The following PDE3A variants were observed in gnomAD, a reference collection of about 807,000 sequenced individuals.
The protein encoded by PDE3A is cGMP-inhibited 3',5'-cyclic phosphodiesterase 3A.
PDE3A carries 43 observed loss-of-function variants against 98.3 expected under a neutral mutation model. The observed-to-expected ratio is 0.44, with a 90% CI of 0.34 to 0.56. The LOEUF is 0.56. PDE3A is among the 20% of genes least tolerant of loss of function. The probability of loss-of-function intolerance (pLI) is 0.01; values close to 1 mark genes in which losing one functional copy is unlikely to be tolerated. For synonymous variants in PDE3A, 663 were observed against 567.9 expected (o/e 1.17, Z -2.38); for missense variants, 1,427 against 1,440.7 (o/e 0.99, Z 0.15).
chr12:20,553,156 T>C (rs1214844209), intron 1 of PDE3A: 3 of 827,674 alleles, frequency 3.6e-6, no homozygotes, highest in African/African-American at 1.7e-5. Flanking sequence ...TTTTTTTTTT[T>C]TTATTTTTAT....
intron 15 of PDE3A, among the ~76,000 whole-genome samples, chr12:20,678,696 A>G (rs1051708684): frequency 4.6e-5 from 7 of 152,226 alleles, no homozygotes; most frequent in African/African-American, 1.2e-4. Flanking sequence ...TGCCAGATGC[A>G]TAAGCAAAGG....
chr12:20,639,169 A>G (rs1232985695), intron 9 of PDE3A, among the ~76,000 whole-genome samples: 3 of 152,158 alleles, frequency 2.0e-5, no homozygotes, highest in African/African-American at 7.2e-5. Context: ...ACTCCCTTGA[A>G]GTTCTGTGAG....
chr12:20,554,916 C>A (rs1200873139), intron 1 of PDE3A, among the ~76,000 whole-genome samples: 2 of 152,046 alleles, frequency 1.3e-5, no homozygotes, highest in Non-Finnish European at 2.9e-5. Context: ...CAAATTATTT[C>A]ATTCATTTGC....
chr12:20,545,982 G>A (rs1271513510), intron 1 of PDE3A, among the ~76,000 whole-genome samples: 1 of 151,962 alleles, frequency 6.6e-6, no homozygotes, highest in Admixed American at 6.6e-5. Flanking sequence ...TGAGGAGCGG[G>A]GAGATGTGAT....
intron 1 of PDE3A, among the ~76,000 whole-genome samples, chr12:20,509,615 A>G (rs1486761940): frequency 2.0e-5 from 3 of 152,080 alleles, no homozygotes; most frequent in Non-Finnish European, 4.4e-5. Flanking sequence ...CCCAGCAGGT[A>G]TCTCTGCCTA....
chr12:20,486,697 A>G (rs1045932208), intron 1 of PDE3A, among the ~76,000 whole-genome samples: 4 of 152,132 alleles, frequency 2.6e-5, no homozygotes, highest in Non-Finnish European at 5.9e-5. Flanking sequence ...GCAGTGGTGC[A>G]ATCTCAATCC....
chr12:20,656,779 T>C (rs1184769709), intron 15 of PDE3A, among the ~76,000 whole-genome samples: 2 of 152,212 alleles, frequency 1.3e-5, no homozygotes, highest in African/African-American at 2.4e-5. Flanking sequence ...GACTTACTGC[T>C]CTTTGAACTC....
intron 1 of PDE3A, among the ~76,000 whole-genome samples, chr12:20,513,193 AT>A (rs1384926906): frequency 6.6e-6 from 1 of 152,146 alleles, no homozygotes; most frequent in East Asian, 1.9e-4. Context: ...GAATCAAACC[AT>A]GTTTATAGTC....
intron 2 of PDE3A, among the ~76,000 whole-genome samples, chr12:20,597,135 T>C (rs992829004): frequency 2.6e-5 from 4 of 152,194 alleles, no homozygotes; most frequent in South Asian, 4.1e-4. Context: ...ATCTCTTGAG[T>C]TGCATCTTAG....
At chr12:20,460,386 G>T (rs969954187) in intron 1 of PDE3A, among the ~76,000 whole-genome samples, 1 of 152,072 alleles carries the variant, frequency 6.6e-6, no homozygotes, top group African/African-American at 2.4e-5. Context: ...CAATTCATTG[G>T]CTGAAAGCGT....
chr12:20,587,913 AT>A (rs1454626028), intron 2 of PDE3A, among the ~76,000 whole-genome samples: 1 of 152,360 alleles, frequency 6.6e-6, no homozygotes, highest in Non-Finnish European at 1.5e-5. Flanking sequence ...TTTTAATGTG[AT>A]GATCTATACA....
chr12:20,580,968 G>A (rs1250575819), intron 2 of PDE3A, among the ~76,000 whole-genome samples: 3 of 152,096 alleles, frequency 2.0e-5, no homozygotes, highest in South Asian at 2.1e-4. Context: ...CATGTCCTCC[G>A]CCTGCTTTCA....
rs1044561164 is a variant in PDE3A, at chr12:20,555,097, C to T, written c.961-1563C>T. Among the ~76,000 whole-genome samples, 15 of 152,108 alleles carry T rather than the reference C, an allele frequency of 9.9e-5. No homozygotes were observed. In the South Asian group the frequency reaches 2.3e-3, roughly 23 times the overall value. On this transcript the variant is annotated intron_variant, in intron 1 of 15. Transcript: ENST00000359062. ...AGTGCAGTGGCGTGCGATCTTGGGT[C>T]ACTGCAACCTCTGCCTCCCAGGTTC...
intron 1 of PDE3A, among the ~76,000 whole-genome samples, chr12:20,497,526 C>A: frequency 2.0e-5 from 3 of 148,392 alleles, no homozygotes; most frequent in African/African-American, 2.5e-5. Context: ...ACAAATTGTG[C>A]CCTAAAAAAA....
chr12:20,451,381 C>A (rs1245579704), intron 1 of PDE3A, among the ~76,000 whole-genome samples: 2 of 152,176 alleles, frequency 1.3e-5, no homozygotes, highest in Non-Finnish European at 2.9e-5. Flanking sequence ...ACAAGCAATT[C>A]TCCTGCCTCA....
chr12:20,530,514 G>A (rs570209504), intron 1 of PDE3A, among the ~76,000 whole-genome samples: 1 of 150,100 alleles, frequency 6.7e-6, no homozygotes, highest in East Asian at 1.9e-4. Context: ...TTAAGAGATG[G>A]GGTCTCACTG....
Position 20,552,503 on chromosome 12 carries a change from G to T in PDE3A, c.961-4157G>T. On this transcript the variant is annotated intron_variant, in intron 1 of 15. Transcript: ENST00000359062. The surrounding 1 kb of genome is among the most constrained non-coding windows in gnomAD (Gnocchi z 5.1). Reference sequence around the variant, plus strand: ...AACCGAGAGCGAGAGAAGGAGAACAGCAAGAGGGAGGAGGAGGAGCAGCAG... The same window carrying T: ...AACCGAGAGCGAGAGAAGGAGAACATCAAGAGGGAGGAGGAGGAGCAGCAG... The T allele has an allele frequency of 3.1e-6, 5 of 1,613,060 alleles. No homozygotes were observed. The highest frequency in any genetic ancestry group is 1.7e-6 in the Non-Finnish European group (2 of 1,179,584).
intron 1 of PDE3A, among the ~76,000 whole-genome samples, chr12:20,484,834 A>C (rs984159872): frequency 8.5e-5 from 13 of 152,156 alleles, no homozygotes; most frequent in African/African-American, 3.1e-4. Context: ...ATTCGTGTTT[A>C]AAAAATTACT....
intron 1 of PDE3A, among the ~76,000 whole-genome samples, chr12:20,441,780 T>C (rs374400193): frequency 2.0e-5 from 3 of 152,266 alleles, no homozygotes; most frequent in South Asian, 4.1e-4. Context: ...ATCTCACCCA[T>C]CCCTCTCTTC....
Sources: gnomAD v4.1 joint callset for allele counts (sites outside exome capture counted in the v4.1 genomes callset) on GRCh38, gnomAD v4.1.1 for gene constraint, Gnocchi (gnomAD v3.1) non-coding constraint, MANE v1.5 for transcripts, NCBI Gene and HGNC (gene_info 2026-07-23, HGNC 2026-07-21) for gene names.